Variants in AUTS2 observed in about 807,000 individuals in gnomAD.
AUTS2 encodes the protein autism susceptibility gene 2 protein.
A neutral mutation model predicts 112.4 loss-of-function variants in AUTS2; 17 were observed. That is an observed-to-expected ratio of 0.15 (90% confidence interval 0.10 to 0.23). AUTS2 has a LOEUF of 0.23. Among genes scored for constraint, AUTS2 ranks in the 10% least tolerant of loss-of-function variants. The probability of loss-of-function intolerance (pLI) is 1.00; values close to 1 mark genes in which losing one functional copy is unlikely to be tolerated. For synonymous variants in AUTS2, 751 were observed against 702.7 expected, an observed-to-expected ratio of 1.07 and a Z score of -1.09; for missense variants, 1,510 against 1,701.6, an observed-to-expected ratio of 0.89 and a Z score of 1.98.
intron 5 of AUTS2, among the ~76,000 whole-genome samples, chr7:70,495,955 G>C (rs13237731): frequency 1.1e-5 from 1 of 88,108 alleles, no homozygotes; most frequent in Non-Finnish European, 2.2e-5. Context: ...CCCCACACAT[G>C]CACACGTCAC....
chr7:70,460,367 TGAGATGGAG>T (rs1796914428), intron 5 of AUTS2, among the ~76,000 whole-genome samples: 1 of 104,804 alleles, frequency 9.5e-6, no homozygotes, highest in African/African-American at 3.4e-5. Flanking sequence ...TTTTTTTTTT[TGAGATGGAG>T]TTTCGCTTGT....
chr7:70,369,377 A>G (rs1390846620), intron 4 of AUTS2, among the ~76,000 whole-genome samples: 1 of 152,162 alleles, frequency 6.6e-6, no homozygotes, highest in Non-Finnish European at 1.5e-5. Flanking sequence ...CATGAGTTTG[A>G]GGGTTGTTTC....
intron 2 of AUTS2, among the ~76,000 whole-genome samples, chr7:69,954,290 A>G (rs1358841199): frequency 6.6e-6 from 1 of 152,092 alleles, no homozygotes; most frequent in Admixed American, 6.5e-5. Flanking sequence ...TTTAATTTTT[A>G]ATTTTTTTAG....
At chr7:70,267,653 C>G (rs765034847) in intron 4 of AUTS2, among the ~76,000 whole-genome samples, 2 of 152,172 alleles carry the variant, frequency 1.3e-5, no homozygotes, top group Non-Finnish European at 1.5e-5. Context: ...CTGTCATGCA[C>G]TTTCACGTTC....
chr7:70,407,046 G>A (rs910770503), intron 4 of AUTS2, among the ~76,000 whole-genome samples: 2 of 152,070 alleles, frequency 1.3e-5, no homozygotes, highest in African/African-American at 4.8e-5. Flanking sequence ...CCAAATAATC[G>A]GTAAGTTGCG....
intron 6 of AUTS2, among the ~76,000 whole-genome samples, chr7:70,755,821 C>T (rs376726072): frequency 3.8e-4 from 57 of 151,880 alleles, no homozygotes; most frequent in African/African-American, 1.3e-3. Context: ...TAATAATACT[C>T]TTATTTACTT....
At chr7:69,996,528 A>C (rs1416294219) in intron 2 of AUTS2, among the ~76,000 whole-genome samples, 11 of 152,132 alleles carry the variant, frequency 7.2e-5, no homozygotes, top group Admixed American at 6.6e-4. Flanking sequence ...AAGTGTTAAA[A>C]TATTTTTATA....
At chr7:69,906,346 C>T (rs1394034141) in intron 2 of AUTS2, among the ~76,000 whole-genome samples, 1 of 152,192 alleles carries the variant, frequency 6.6e-6, no homozygotes, top group African/African-American at 2.4e-5. Flanking sequence ...TCACAGCAAT[C>T]TTGTATCCAC....
chr7:70,266,521 T>A (rs1397001970), intron 4 of AUTS2, among the ~76,000 whole-genome samples: 1 of 152,170 alleles, frequency 6.6e-6, no homozygotes, highest in Non-Finnish European at 1.5e-5. Context: ...ACATTTTATG[T>A]TGCATAAAAG....
chr7:70,183,423 A>G (rs560792819), intron 4 of AUTS2, among the ~76,000 whole-genome samples: 1 of 152,258 alleles, frequency 6.6e-6, no homozygotes, highest in East Asian at 1.9e-4. Context: ...CAGGTGACAA[A>G]TGTGTTAATT....
intron 5 of AUTS2, among the ~76,000 whole-genome samples, chr7:70,448,592 G>C (rs745844981): frequency 6.6e-6 from 1 of 152,160 alleles, no homozygotes; most frequent in Non-Finnish European, 1.5e-5. Context: ...TATTGATCCA[G>C]TCATGGAACA....
chr7:69,870,260 G>A (rs1031194088), intron 1 of AUTS2, among the ~76,000 whole-genome samples: 4 of 151,392 alleles, frequency 2.6e-5, no homozygotes, highest in African/African-American at 9.7e-5. Flanking sequence ...AAGACCGGGG[G>A]AATTTGTTCA....
At chr7:69,911,605 G>C (rs966732637) in intron 2 of AUTS2, among the ~76,000 whole-genome samples, 17 of 152,092 alleles carry the variant, frequency 1.1e-4, no homozygotes, top group African/African-American at 4.1e-4. Context: ...CCTCAAGTGG[G>C]TAACTCCTTT....
chr7:69,652,994 A>G (rs182489813), intron 1 of AUTS2, among the ~76,000 whole-genome samples: 9 of 152,306 alleles, frequency 5.9e-5, no homozygotes, highest in African/African-American at 2.2e-4. Context: ...AGTGCCCACT[A>G]TTAAGATCCT....
In AUTS2 at chr7:69,868,541, A is replaced by G. The variant is rs552833271; in HGVS notation, c.310-30745A>G. Among the ~76,000 whole-genome samples, 5 of 152,310 alleles carry G rather than the reference A, an allele frequency of 3.3e-5. No individual in the cohort carries two copies. In the South Asian group the frequency reaches 1.0e-3, roughly 32 times the overall value. ...CAGGTTATATGTGGAGTACAAACTA[A>G]TTATGAAGCTAAATCTTCCTCAGAC... On this transcript the variant is annotated intron_variant, in intron 1 of 18. Transcript: ENST00000342771.
At chr7:70,622,113 C>T (rs1311240447) in intron 5 of AUTS2, among the ~76,000 whole-genome samples, 3 of 151,996 alleles carry the variant, frequency 2.0e-5, no homozygotes, top group Non-Finnish European at 2.9e-5. Flanking sequence ...GCTGGGATTA[C>T]AGGTGTGAGC....
At chr7:69,809,240 A>T (rs1039664930) in intron 1 of AUTS2, among the ~76,000 whole-genome samples, 4 of 151,198 alleles carry the variant, frequency 2.6e-5, no homozygotes, top group Non-Finnish European at 5.9e-5. Context: ...ACGCCTGGCT[A>T]ATTTTTTGTA....
chr7:70,609,378 G>A (rs1161155264), intron 5 of AUTS2, among the ~76,000 whole-genome samples: 1 of 150,416 alleles, frequency 6.6e-6, no homozygotes, highest in Non-Finnish European at 1.5e-5. Context: ...TGTTGTCCCA[G>A]AGGACAGGAT....
At chr7:69,999,725 C>T (rs758892865) in intron 2 of AUTS2, among the ~76,000 whole-genome samples, 5 of 152,042 alleles carry the variant, frequency 3.3e-5, no homozygotes, top group African/African-American at 9.7e-5. Context: ...TGAAGTTTTA[C>T]ACATTACATA....
Sources: gnomAD v4.1 joint callset for allele counts (sites outside exome capture counted in the v4.1 genomes callset) on GRCh38, gnomAD v4.1.1 for gene constraint, MANE v1.5 for transcripts, NCBI Gene and HGNC (gene_info 2026-07-23, HGNC 2026-07-21) for gene names.